MLLT3: variants seen among roughly 807,000 people sequenced by gnomAD.
MLLT3 encodes MLLT3 super elongation complex subunit.
A neutral mutation model predicts 53.2 loss-of-function variants in MLLT3; 4 were observed. That is an observed-to-expected ratio of 0.08 (90% CI 0.04 to 0.17). The LOEUF (loss-of-function observed/expected upper bound fraction) is 0.17. Ranked by LOEUF, MLLT3 falls within the 10% of genes least tolerant of loss-of-function variation. MLLT3 has a pLI of 1.00. For synonymous variants in MLLT3, 283 were observed against 230.6 expected (o/e 1.23, Z -2.06); for missense variants, 569 against 684.0 (o/e 0.83, Z 1.87).
At chr9:20,613,764 G>A (rs1049625844) in intron 2 of MLLT3, among the ~76,000 whole-genome samples, 1 of 152,050 alleles carries the variant, frequency 6.6e-6, no homozygotes, top group East Asian at 1.9e-4. Context: ...TTTTTAAGCT[G>A]TTAATTTCCA....
intron 2 of MLLT3, among the ~76,000 whole-genome samples, chr9:20,588,147 G>C (rs1272563483): frequency 1.3e-5 from 2 of 152,142 alleles, no homozygotes; most frequent in African/African-American, 4.8e-5. Context: ...AGATGAGATA[G>C]TTGTAGATAT....
chr9:20,541,075 C>A (rs1463658757), intron 2 of MLLT3, among the ~76,000 whole-genome samples: 1 of 152,136 alleles, frequency 6.6e-6, no homozygotes, highest in African/African-American at 2.4e-5. Context: ...AAAATGCCAC[C>A]AGCCTTTTTG....
chr9:20,431,642 A>T (rs1823272307), intron 4 of MLLT3, among the ~76,000 whole-genome samples: 2 of 152,104 alleles, frequency 1.3e-5, no homozygotes, highest in South Asian at 4.1e-4. Context: ...AAAAGTCTGA[A>T]ATCTAATGCC....
intron 7 of MLLT3, chr9:20,363,168 T>C (rs962481929): frequency 4.0e-6 from 1 of 247,304 alleles, no homozygotes; most frequent in East Asian, 8.5e-5. Flanking sequence ...CAACACAAAC[T>C]CTTCAAATGA....
intron 2 of MLLT3, among the ~76,000 whole-genome samples, chr9:20,555,552 C>T (rs1252778778): frequency 6.6e-6 from 1 of 152,208 alleles, no homozygotes; most frequent in African/African-American, 2.4e-5. Context: ...CTATGTATAA[C>T]ATTTAGGGCA....
intron 5 of MLLT3, among the ~76,000 whole-genome samples, chr9:20,402,561 G>C (rs980439452): frequency 1.8e-4 from 27 of 152,270 alleles, no homozygotes; most frequent in African/African-American, 5.3e-4. Context: ...ATTTACACTG[G>C]AGTTTTTAAA....
intron 4 of MLLT3, 32 bp from the exon 5 acceptor site, chr9:20,414,457 C>CA (rs763519973): frequency 1.2e-6 from 2 of 1,600,832 alleles, no homozygotes; most frequent in East Asian, 4.5e-5. Flanking sequence ...ATGAAACTCC[C>CA]AAAACTAAAT....
chr9:20,619,973 G>A (rs1820951389), intron 2 of MLLT3, among the ~76,000 whole-genome samples: 1 of 152,162 alleles, frequency 6.6e-6, no homozygotes. Context: ...AGACACTTTG[G>A]AACGTTGCTC....
At chr9:20,580,226 T>G (rs1184632862) in intron 2 of MLLT3, among the ~76,000 whole-genome samples, 1 of 149,932 alleles carries the variant, frequency 6.7e-6, no homozygotes, top group African/African-American at 2.4e-5. Flanking sequence ...TTAATTAGCA[T>G]TAACTCTTAA....
intron 4 of MLLT3, among the ~76,000 whole-genome samples, chr9:20,435,442 A>G (rs1265918501): frequency 6.6e-6 from 1 of 152,194 alleles, no homozygotes; most frequent in East Asian, 1.9e-4. Context: ...TTAAGGCTTG[A>G]TAGAAAGCAA....
chr9:20,594,027 G>A (rs910123486), intron 2 of MLLT3, among the ~76,000 whole-genome samples: 1 of 146,960 alleles, frequency 6.8e-6, no homozygotes, highest in East Asian at 2.0e-4. Context: ...TGCAACATCC[G>A]TCTCCTGGGT....
At chr9:20,446,515 T>G (rs536821737) in intron 4 of MLLT3, among the ~76,000 whole-genome samples, 3 of 152,338 alleles carry the variant, frequency 2.0e-5, no homozygotes, top group South Asian at 4.1e-4. Flanking sequence ...AAAGTTCTTG[T>G]GTCATATTTA....
At chr9:20,547,644 C>CA (rs71334534) in intron 2 of MLLT3, among the ~76,000 whole-genome samples, 47,949 of 121,358 alleles carry the variant, frequency 0.4, 9,545 homozygotes, top group East Asian at 0.62. Flanking sequence ...AACTCCATCT[C>CA]AAAAAAAAAA....
chr9:20,580,416 C>T (rs1819761943), intron 2 of MLLT3, among the ~76,000 whole-genome samples: 1 of 151,868 alleles, frequency 6.6e-6, no homozygotes. Flanking sequence ...AATACCCTTG[C>T]ACAGACATGC....
chr9:20,507,445 C>G (rs887112210), intron 2 of MLLT3, among the ~76,000 whole-genome samples: 1 of 152,024 alleles, frequency 6.6e-6, no homozygotes, highest in South Asian at 2.1e-4. Flanking sequence ...AGAATGTTAA[C>G]CCTACAAAAA....
At chr9:20,443,584 C>T (rs1823608040) in intron 4 of MLLT3, among the ~76,000 whole-genome samples, 1 of 152,188 alleles carries the variant, frequency 6.6e-6, no homozygotes, top group Non-Finnish European at 1.5e-5. Context: ...AAACACAACA[C>T]AGATCTATCA....
At chr9:20,598,918 A>C (rs1255048028) in intron 2 of MLLT3, among the ~76,000 whole-genome samples, 1 of 152,232 alleles carries the variant, frequency 6.6e-6, no homozygotes, top group African/African-American at 2.4e-5. Flanking sequence ...TAGGTTAAGA[A>C]AGGGAAACAA....
chr9:20,434,756 AC>A (rs796362201), intron 4 of MLLT3, among the ~76,000 whole-genome samples: 12 of 152,240 alleles, frequency 7.9e-5, no homozygotes, highest in African/African-American at 2.9e-4. Flanking sequence ...TATCTATATC[AC>A]ACACAAAAAC....
intron 2 of MLLT3, among the ~76,000 whole-genome samples, chr9:20,466,257 C>T (rs923507462): frequency 6.6e-6 from 1 of 152,090 alleles, no homozygotes; most frequent in African/African-American, 2.4e-5. Flanking sequence ...GTGATTATTT[C>T]CTTTGAGTGT....
Sources: gnomAD v4.1 joint callset for allele counts (sites outside exome capture counted in the v4.1 genomes callset) on GRCh38, gnomAD v4.1.1 for gene constraint, MANE v1.5 for transcripts, NCBI Gene and HGNC (gene_info 2026-07-23, HGNC 2026-07-21) for gene names.